The following ZMAT3 variants were observed in gnomAD, a reference collection of about 807,000 sequenced individuals.
The protein encoded by ZMAT3 is zinc finger matrin-type protein 3.
In ZMAT3, 17 loss-of-function variants were observed where a neutral mutation model predicts 32.3. That is an observed-to-expected ratio of 0.53 (90% CI 0.36 to 0.79). The LOEUF (loss-of-function observed/expected upper bound fraction) is 0.79, where lower values mean the gene tolerates loss of function less well. ZMAT3 is among the 30% of genes least tolerant of loss of function. The pLI, the probability that ZMAT3 is intolerant of heterozygous loss-of-function variation, is 0.00. For synonymous variants in ZMAT3, 120 were observed against 133.1 expected, an observed-to-expected ratio of 0.90 and a Z score of 0.68; for missense variants, 329 against 359.7, an observed-to-expected ratio of 0.91 and a Z score of 0.69.
intron 2 of ZMAT3, among the ~76,000 whole-genome samples, chr3:179,043,662 G>C (rs560985048): frequency 1.6e-4 from 25 of 152,178 alleles, no homozygotes; most frequent in African/African-American, 6.0e-4. Context: ...CATAGGCATG[G>C]GCACAGACTT....
chr3:179,060,846 T>A (rs1194105037), intron 2 of ZMAT3, among the ~76,000 whole-genome samples: 1 of 151,550 alleles, frequency 6.6e-6, no homozygotes, highest in African/African-American at 2.4e-5. Context: ...GACACAAAAT[T>A]AAAACAGGTC....
chr3:179,023,266 A>G lies in ZMAT3; in HGVS notation c.*1751T>C, dbSNP rs893294486. Reference sequence around the variant, plus strand: ...CAACCTCCACCTCCTGGGTTCATACAACTTCTTATTTTAAACGCAAAAAAA... The same window carrying G: ...CAACCTCCACCTCCTGGGTTCATACGACTTCTTATTTTAAACGCAAAAAAA... On this transcript the variant is annotated 3_prime_UTR_variant, in exon 6 of 6. Transcript: ENST00000311417. 41 of 151,782 alleles carry G rather than the reference A, an allele frequency of 2.7e-4. No individual in the cohort carries two copies. The highest frequency in any genetic ancestry group is 9.7e-4 in the African/African-American group (40 of 41,242). The allele number at this position is 151,782 out of a possible 1,614,324, so 9.4% of individuals were successfully genotyped here.
intron 2 of ZMAT3, among the ~76,000 whole-genome samples, chr3:179,048,574 T>A (rs1720370711): frequency 6.6e-6 from 1 of 152,194 alleles, no homozygotes; most frequent in South Asian, 2.1e-4. Context: ...GCTGCATAAA[T>A]GAAGGAAAGA....
At chr3:179,040,075 G>C (rs1482583597) in intron 2 of ZMAT3, among the ~76,000 whole-genome samples, 1 of 152,186 alleles carries the variant, frequency 6.6e-6, no homozygotes, top group Non-Finnish European at 1.5e-5. Flanking sequence ...AGAAATATGG[G>C]ACTATGTGAA....
intron 2 of ZMAT3, among the ~76,000 whole-genome samples, chr3:179,062,241 T>G (rs1047532517): frequency 6.6e-6 from 1 of 151,964 alleles, no homozygotes; most frequent in Non-Finnish European, 1.5e-5. Context: ...CAGAGTACAG[T>G]GGGCTGAGGA....
intron 2 of ZMAT3, among the ~76,000 whole-genome samples, chr3:179,039,126 G>A (rs1264573311): frequency 6.6e-6 from 1 of 152,254 alleles, no homozygotes; most frequent in Non-Finnish European, 1.5e-5. Flanking sequence ...ACCTCAGTGG[G>A]CAGGGCTTAG....
At chr3:179,035,725 A>G (rs1364145949) in intron 2 of ZMAT3, among the ~76,000 whole-genome samples, 2 of 152,210 alleles carry the variant, frequency 1.3e-5, no homozygotes, top group Non-Finnish European at 2.9e-5. Context: ...TATAGCAAGC[A>G]AGCAATAAAT....
rs1233980538 is a variant in ZMAT3, at chr3:179,037,638, C to G, written c.271-6639G>C. On this transcript the variant is annotated intron_variant, in intron 2 of 5. Transcript: ENST00000311417. ...AAGGAATCCTTACACTGCAACCCTC[C>G]CTCCTGCTCACTGAGCAACGGGGAA... Among the ~76,000 whole-genome samples the G allele has an allele frequency of 3.9e-5, 6 of 152,310 alleles. No individual in the cohort carries two copies. In the East Asian group the frequency reaches 1.2e-3, roughly 29 times the overall value.
intron 2 of ZMAT3, among the ~76,000 whole-genome samples, chr3:179,055,306 A>C (rs1720778508): frequency 6.6e-6 from 1 of 152,180 alleles, no homozygotes; most frequent in African/African-American, 2.4e-5. Context: ...GGGAAGTATA[A>C]ATTATAACAT....
chr3:179,071,566 C>G (rs547838635), intron 1 of ZMAT3, 29 bp downstream of exon 1: 1 of 152,344 alleles, frequency 6.6e-6, no homozygotes, highest in African/African-American at 2.4e-5. Context: ...GTCCTGAAAG[C>G]TCCGCGGCTC....
At chr3:179,064,437 TTC>T (rs1354886259) in intron 2 of ZMAT3, among the ~76,000 whole-genome samples, 1 of 152,218 alleles carries the variant, frequency 6.6e-6, no homozygotes, top group East Asian at 1.9e-4. Context: ...GGTCTTATCC[TTC>T]TCTTTTTTGT....
chr3:179,038,165 T>C (rs545823087), intron 2 of ZMAT3, among the ~76,000 whole-genome samples: 2 of 152,326 alleles, frequency 1.3e-5, no homozygotes, highest in South Asian at 4.1e-4. Flanking sequence ...AGAGACCCAC[T>C]TGCTGTGTTA....
intron 2 of ZMAT3, among the ~76,000 whole-genome samples, chr3:179,037,119 T>A (rs1306166433): frequency 2.0e-5 from 3 of 152,104 alleles, no homozygotes; most frequent in African/African-American, 7.2e-5. Flanking sequence ...CTCTCCAGTG[T>A]CCATGTACCT....
chr3:179,036,458 A>C (rs1005588173), intron 2 of ZMAT3, among the ~76,000 whole-genome samples: 1 of 152,178 alleles, frequency 6.6e-6, no homozygotes, highest in Non-Finnish European at 1.5e-5. Context: ...GGAGACAGAT[A>C]ACAGCTTGCA....
chr3:179,030,794 C>T, intron 3 of ZMAT3, 86 bp downstream of exon 3: 1 of 1,517,504 alleles, frequency 6.6e-7, no homozygotes, highest in Non-Finnish European at 8.8e-7. Context: ...CTAATGGACA[C>T]ATGGACGACA....
chr3:179,028,998 A>G (rs1421095908), intron 3 of ZMAT3, among the ~76,000 whole-genome samples: 1 of 152,040 alleles, frequency 6.6e-6, no homozygotes, highest in African/African-American at 2.4e-5. Context: ...TGTCTCTACT[A>G]AAATAACAAA....
At chr3:179,032,669 TGAG>T in intron 2 of ZMAT3, among the ~76,000 whole-genome samples, 1 of 149,368 alleles carries the variant, frequency 6.7e-6, no homozygotes, top group Non-Finnish European at 1.5e-5. Flanking sequence ...GTCTGGGAAC[TGAG>T]GAGTGTGTCT....
chr3:179,050,317 A>T (rs1248510497), intron 2 of ZMAT3, among the ~76,000 whole-genome samples: 1 of 152,214 alleles, frequency 6.6e-6, no homozygotes, highest in African/African-American at 2.4e-5. Context: ...CCACAGAAAT[A>T]CAAAAAATCA....
chr3:179,064,378 C>T (rs1721298145), intron 2 of ZMAT3, among the ~76,000 whole-genome samples: 1 of 152,196 alleles, frequency 6.6e-6, no homozygotes, highest in South Asian at 2.1e-4. Flanking sequence ...TATTAGTCTA[C>T]AATCATTGGC....
Sources: gnomAD v4.1 joint callset for allele counts (sites outside exome capture counted in the v4.1 genomes callset) on GRCh38, gnomAD v4.1.1 for gene constraint, MANE v1.5 for transcripts, NCBI Gene and HGNC (gene_info 2026-07-23, HGNC 2026-07-21) for gene names.